The following FRRS1 variants were observed in gnomAD, a reference collection of about 807,000 sequenced individuals.
The protein encoded by FRRS1 is ferric reductase 1.
FRRS1 carries 51 observed loss-of-function variants against 70.7 expected under a neutral mutation model. That is an observed-to-expected ratio of 0.72 (90% confidence interval 0.58 to 0.91). FRRS1 has a LOEUF of 0.91. FRRS1 is among the 40% of genes least tolerant of loss of function. The probability of loss-of-function intolerance (pLI) is 0.00; values close to 1 mark genes in which losing one functional copy is unlikely to be tolerated. For missense variants in FRRS1, 672 were observed against 726.0 expected, an observed-to-expected ratio of 0.93 and a Z score of 0.86; for synonymous variants, 225 against 238.7, an observed-to-expected ratio of 0.94 and a Z score of 0.53.
intron 15 of FRRS1, among the ~76,000 whole-genome samples, 175 bp from the exon 16 acceptor site, chr1:99,709,434 A>G (rs1309296774): frequency 1.3e-5 from 2 of 152,222 alleles, no homozygotes. Context: ...AAATGTGGAC[A>G]ATCTGGCAAG....
chr1:99,730,866 C>CA (rs11407313), intron 7 of FRRS1, among the ~76,000 whole-genome samples: 44,121 of 88,662 alleles, frequency 0.5, 11,363 homozygotes, highest in African/African-American at 0.75. Context: ...AACTCAGTCT[C>CA]AAAAAAAAAA....
intron 7 of FRRS1, among the ~76,000 whole-genome samples, chr1:99,731,126 C>CA (rs1324763172): frequency 6.6e-6 from 1 of 151,926 alleles, no homozygotes; most frequent in Non-Finnish European, 1.5e-5. Context: ...AAAAGAATAC[C>CA]AAAAAAGAAG....
chr1:99,732,542 C>T (rs951123), intron 7 of FRRS1, among the ~76,000 whole-genome samples: 75,241 of 151,918 alleles, frequency 0.5, 22,606 homozygotes, highest in African/African-American at 0.85. Flanking sequence ...ATTAAGCAGA[C>T]CTTAGAAGAT....
intron 5 of FRRS1, among the ~76,000 whole-genome samples, 194 bp from the exon 6 acceptor site, chr1:99,741,134 T>G (rs1428713603): frequency 6.6e-6 from 1 of 152,244 alleles, no homozygotes; most frequent in African/African-American, 2.4e-5. Context: ...TTTTATTGCT[T>G]TCTCTCCCTC....
intron 7 of FRRS1, among the ~76,000 whole-genome samples, chr1:99,730,739 C>T (rs1306258971): frequency 1.3e-5 from 2 of 151,924 alleles, no homozygotes; most frequent in Non-Finnish European, 2.9e-5. Flanking sequence ...TGGTAGTGGG[C>T]GCCTGTAGTC....
chr1:99,740,359 G>T (rs1655896748), intron 6 of FRRS1, among the ~76,000 whole-genome samples: 1 of 152,166 alleles, frequency 6.6e-6, no homozygotes, highest in Admixed American at 6.5e-5. Flanking sequence ...TAAGTCATAA[G>T]GTTGCAATGA....
intron 7 of FRRS1, among the ~76,000 whole-genome samples, chr1:99,732,241 T>A (rs1238875104): frequency 6.6e-6 from 1 of 152,116 alleles, no homozygotes; most frequent in Non-Finnish European, 1.5e-5. Flanking sequence ...TCTAGAAACC[T>A]CAAGTTTGAA....
intron 15 of FRRS1, 130 bp downstream of exon 15, chr1:99,710,676 T>C: frequency 1.4e-6 from 1 of 698,950 alleles, no homozygotes; most frequent in South Asian, 2.4e-5. Context: ...TTTCTAGCAC[T>C]GGCTGAGTGA....
At chr1:99,736,828 A>G (rs1655695627) in intron 7 of FRRS1, among the ~76,000 whole-genome samples, 1 of 130,202 alleles carries the variant, frequency 7.7e-6, no homozygotes, top group South Asian at 2.3e-4. Context: ...AAGAATTAGG[A>G]CAATTAAAAA....
rs1220140951 is a variant in FRRS1 at position 99,740,773 on chromosome 1, A to T, written c.576+20T>A. ...ATGGTGAAACCCCATCTCTACAGAGAAAATAAAATTGTTACTTACTGGTTT... is the reference window on the plus strand; with the variant it reads ...ATGGTGAAACCCCATCTCTACAGAGTAAATAAAATTGTTACTTACTGGTTT... On this transcript the variant is annotated intron_variant, in intron 6 of 16. Coordinates refer to ENST00000646001, the MANE Select transcript of FRRS1 (RefSeq NM_001361041.2). The T allele has an allele frequency of 1.9e-6, 3 of 1,569,486 alleles. No individual in the cohort carries two copies. Among genetic ancestry groups the T allele is most frequent in the Non-Finnish European group, 2.6e-6 (3 of 1,139,572 alleles).
intron 12 of FRRS1, among the ~76,000 whole-genome samples, chr1:99,713,656 T>C (rs1654381550): frequency 6.6e-6 from 1 of 152,232 alleles, no homozygotes; most frequent in Non-Finnish European, 1.5e-5. Context: ...ACTTAACATA[T>C]GTCACTTATT....
intron 1 of FRRS1, among the ~76,000 whole-genome samples, chr1:99,763,204 G>C (rs929835518): frequency 1.3e-5 from 2 of 151,962 alleles, no homozygotes; most frequent in East Asian, 1.9e-4. Context: ...TGCTATTCCA[G>C]GAATAAGCTT....
At chr1:99,724,598 C>T (rs1471631995) in intron 9 of FRRS1, among the ~76,000 whole-genome samples, 1 of 152,318 alleles carries the variant, frequency 6.6e-6, no homozygotes, top group East Asian at 1.9e-4. Flanking sequence ...CCAAGTCTTA[C>T]TGCTTTTAAG....
intron 9 of FRRS1, among the ~76,000 whole-genome samples, chr1:99,727,989 G>C (rs1329033433): frequency 2.0e-5 from 3 of 152,192 alleles, no homozygotes; most frequent in African/African-American, 7.2e-5. Context: ...TCCCCTCAGT[G>C]GGAGGTCTTA....
chr1:99,725,454 G>A (rs1655039979), intron 9 of FRRS1, among the ~76,000 whole-genome samples: 1 of 152,140 alleles, frequency 6.6e-6, no homozygotes, highest in African/African-American at 2.4e-5. Context: ...TCAAACTACA[G>A]CACACATAAA....
chr1:99,714,037 TAGA>T (rs1654401417), intron 12 of FRRS1, among the ~76,000 whole-genome samples: 2 of 152,016 alleles, frequency 1.3e-5, no homozygotes, highest in African/African-American at 4.8e-5. Context: ...GGAGATGGAC[TAGA>T]AGGAGAGGAC....
At chr1:99,719,299 C>T (rs1040943026) in intron 10 of FRRS1, among the ~76,000 whole-genome samples, 3 of 151,050 alleles carry the variant, frequency 2.0e-5, no homozygotes, top group African/African-American at 7.3e-5. Flanking sequence ...ATCCCAGCTA[C>T]TCGGGAGTCT....
At position 99,753,888 on chromosome 1, in the gene FRRS1, T is replaced by A. The variant is rs542699073; in HGVS notation, c.-105-4887A>T. 6.6e-5 allele frequency among the ~76,000 whole-genome samples: 10 copies of A among 152,346 alleles called. No homozygotes were observed. In the South Asian group the frequency reaches 2.1e-3, roughly 32 times the overall value. On this transcript the variant is annotated intron_variant, in intron 1 of 16. Coordinates refer to ENST00000646001, the MANE Select transcript of FRRS1 (RefSeq NM_001361041.2). ...GAAACAGACCCTATTATGTGTTTTC[T>A]ACAGGACACCCACTTTAAATATAAA...
rs1656830300 is a variant in FRRS1 at position 99,756,256 on chromosome 1, C to T, written c.-105-7255G>A. On this transcript the variant is annotated intron_variant, in intron 1 of 16. Transcript: ENST00000646001. Reference sequence around the variant, plus strand: ...AACAAAAAAGATTTATTTTGTCCACCCAAGACAGAGAGATTTACTATTTTA... The same window carrying T: ...AACAAAAAAGATTTATTTTGTCCACTCAAGACAGAGAGATTTACTATTTTA... 2.0e-5 allele frequency among the ~76,000 whole-genome samples: 3 copies of T among 151,894 alleles called. No individual in the cohort carries two copies. The South Asian group carries it at 6.2e-4, about 32-fold the overall frequency.
Sources: allele counts gnomAD v4.1 joint callset (sites outside exome capture counted in the v4.1 genomes callset), GRCh38; gene constraint gnomAD v4.1.1; transcripts MANE v1.5; gene names NCBI Gene and HGNC (gene_info 2026-07-23, HGNC 2026-07-21).